Variants in PRDM6 observed in about 807,000 individuals in gnomAD.
PRDM6 encodes PR/SET domain 6, also known as putative histone-lysine N-methyltransferase PRDM6.
A neutral mutation model predicts 60.8 loss-of-function variants in PRDM6; 25 were observed. That is an observed-to-expected ratio of 0.41 (90% confidence interval 0.30 to 0.57). The LOEUF (loss-of-function observed/expected upper bound fraction) is 0.57, where lower values mean the gene tolerates loss of function less well. Ranked by LOEUF, PRDM6 falls within the 20% of genes least tolerant of loss-of-function variation. The probability of loss-of-function intolerance (pLI) is 0.27; values close to 1 mark genes in which losing one functional copy is unlikely to be tolerated. For missense variants in PRDM6, 839 were observed against 821.3 expected, an observed-to-expected ratio of 1.02 and a Z score of -0.26; for synonymous variants, 407 against 357.4, an observed-to-expected ratio of 1.14 and a Z score of -1.57.
intron 5 of PRDM6, among the ~76,000 whole-genome samples, 156 bp downstream of exon 5, chr5:123,159,794 G>A (rs1765586589): frequency 6.6e-6 from 1 of 152,130 alleles, no homozygotes; most frequent in Non-Finnish European, 1.5e-5. Flanking sequence ...TTCCCTGCAT[G>A]TCATCTGCTT....
In PRDM6 at chr5:123,090,206, T is replaced by G. The variant is rs747032271; in HGVS notation, c.192T>G (p.Pro64=). ...CCCCGCCCCCGGAGCGCGCTGAGCC[T>G]CCGCCGGACAGCCTGCGCCCGCGGC... The part of the protein sequence containing the change: ...PPPPPPERAE[P]PPDSLRPRPA... Residue 64 remains proline (P), a synonymous_variant, in exon 2 of 8, where the codon CCT becomes CCG. Transcript: ENST00000407847. 3 of 1,479,952 alleles carry G rather than the reference T, an allele frequency of 2.0e-6. No individual in the cohort carries two copies. The highest frequency in any genetic ancestry group is 3.0e-5 in the East Asian group (1 of 33,278). 91.7% of individuals were successfully genotyped at this position (1,479,952 alleles called of 1,614,324 possible).
intron 3 of PRDM6, among the ~76,000 whole-genome samples, chr5:123,134,488 GA>G (rs1458064670): frequency 2.0e-5 from 3 of 152,098 alleles, no homozygotes; most frequent in South Asian, 4.1e-4. Context: ...ATTGATATAA[GA>G]AGATAGATTT....
At chr5:123,101,763 A>C (rs977003648) in intron 3 of PRDM6, among the ~76,000 whole-genome samples, 2 of 152,218 alleles carry the variant, frequency 1.3e-5, no homozygotes, top group Non-Finnish European at 2.9e-5. Context: ...AATGATTGGG[A>C]TGTTGGCAGG....
At chr5:123,117,864 A>T (rs10519718) in intron 3 of PRDM6, among the ~76,000 whole-genome samples, 36,999 of 152,150 alleles carry the variant, frequency 0.24, 4,867 homozygotes, top group Middle Eastern at 0.31. Flanking sequence ...CGCAGTTCCG[A>T]TTTTGGAGGA....
chr5:123,104,413 A>G (rs970898938), intron 3 of PRDM6, among the ~76,000 whole-genome samples: 1 of 152,144 alleles, frequency 6.6e-6, no homozygotes, highest in African/African-American at 2.4e-5. Flanking sequence ...TTTCAATTAA[A>G]TTAGAATCAC....
intron 3 of PRDM6, among the ~76,000 whole-genome samples, chr5:123,109,184 T>A (rs1764255172): frequency 1.2e-5 from 1 of 86,898 alleles, no homozygotes; most frequent in South Asian, 3.7e-4. Context: ...TTTTTATACA[T>A]GAAAGTGTTA....
At chr5:123,110,915 C>T (rs982604422) in intron 3 of PRDM6, among the ~76,000 whole-genome samples, 9 of 152,012 alleles carry the variant, frequency 5.9e-5, no homozygotes, top group African/African-American at 2.2e-4. Context: ...AACTATGTCA[C>T]GACCAATCCA....
intron 3 of PRDM6, among the ~76,000 whole-genome samples, chr5:123,144,133 T>G (rs1392477948): frequency 6.6e-6 from 1 of 152,160 alleles, no homozygotes; most frequent in Non-Finnish European, 1.5e-5. Flanking sequence ...GAGGAGGAGC[T>G]GGGGTTGCCC....
chr5:123,187,053 C>A, intron 7 of PRDM6, 34 bp from the exon 8 acceptor site: 1 of 1,495,082 alleles, frequency 6.7e-7, no homozygotes, highest in Non-Finnish European at 9.1e-7. Flanking sequence ...AGGCCCCGCT[C>A]CCTGGTCTCA....
At chr5:123,136,867 A>G (rs1364068959) in intron 3 of PRDM6, among the ~76,000 whole-genome samples, 2 of 145,590 alleles carry the variant, frequency 1.4e-5, no homozygotes, top group African/African-American at 5.1e-5. Flanking sequence ...GGCAATGTGC[A>G]TGGGAACCTT....
At chr5:123,111,763 T>G (rs1764322203) in intron 3 of PRDM6, among the ~76,000 whole-genome samples, 1 of 152,008 alleles carries the variant, frequency 6.6e-6, no homozygotes, top group Admixed American at 6.6e-5. Context: ...CTTGTGGTTG[T>G]TTGCCCCGCT....
chr5:123,131,439 A>G (rs1233068459), intron 3 of PRDM6, among the ~76,000 whole-genome samples: 1 of 152,218 alleles, frequency 6.6e-6, no homozygotes, highest in Non-Finnish European at 1.5e-5. Context: ...TTTCACATAT[A>G]TTCTATAAAT....
chr5:123,095,581 C>T (rs2150205990), intron 2 of PRDM6, among the ~76,000 whole-genome samples: 1 of 152,376 alleles, frequency 6.6e-6, no homozygotes, highest in African/African-American at 2.4e-5. Context: ...GATCGATGGG[C>T]GCCGGCCCCT....
chr5:123,175,542 A>C lies in PRDM6; in HGVS notation c.1496+4434A>C, dbSNP rs981876308. 2.0e-4 allele frequency among the ~76,000 whole-genome samples: 30 copies of C among 152,206 alleles called. 1 individual carries two copies. The highest frequency in any genetic ancestry group is 8.8e-5 in the Non-Finnish European group (6 of 68,048). On this transcript the variant is annotated intron_variant, in intron 6 of 7. Transcript: ENST00000407847. The stretch of plus-strand genomic sequence containing the variant: ...CTTCTTTCTAGCTTTGATGTTCTTC[A>C]GGCTGTTTAGTCTTGCACTTCTGTC...
At chr5:123,158,850 A>C (rs1439186166) in intron 4 of PRDM6, among the ~76,000 whole-genome samples, 1 of 151,984 alleles carries the variant, frequency 6.6e-6, no homozygotes, top group Non-Finnish European at 1.5e-5. Flanking sequence ...TTTTTTTTAC[A>C]GTACCAAAGC....
chr5:123,191,332 G>A lies in PRDM6; in HGVS notation c.*4131G>A, dbSNP rs1005284411. On this transcript the variant is annotated 3_prime_UTR_variant, in exon 8 of 8. Transcript: ENST00000407847. Reference sequence around the variant, plus strand: ...AATCATGGCACGTCTCACAAAGAGGGCATTTCCAGAACAGCAGGGTTAACG... The same window carrying A: ...AATCATGGCACGTCTCACAAAGAGGACATTTCCAGAACAGCAGGGTTAACG... 9.9e-5 allele frequency: 15 copies of A among 152,158 alleles called. No individual in the cohort carries two copies. Among genetic ancestry groups the A allele is most frequent in the Admixed American group, 2.0e-4 (3 of 15,276 alleles). 9.4% of individuals were successfully genotyped at this position (152,158 alleles called of 1,614,324 possible).
intron 3 of PRDM6, among the ~76,000 whole-genome samples, chr5:123,143,074 A>T (rs444432): frequency 0.064 from 9,685 of 151,800 alleles, 328 homozygotes; most frequent in Non-Finnish European, 0.072. Context: ...TCAGTCACGG[A>T]TGTTCTCATT....
At chr5:123,145,939 G>A (rs555573679) in intron 3 of PRDM6, among the ~76,000 whole-genome samples, 1 of 152,178 alleles carries the variant, frequency 6.6e-6, no homozygotes, top group South Asian at 2.1e-4. Context: ...TACTTCATTG[G>A]GACAAACATT....
intron 5 of PRDM6, 77 bp downstream of exon 5, chr5:123,159,715 A>C: frequency 7.3e-7 from 1 of 1,373,850 alleles, no homozygotes; most frequent in South Asian, 1.3e-5. Context: ...GCTTTTTTTG[A>C]AACTCATGAA....
Sources: allele counts gnomAD v4.1 joint callset (sites outside exome capture counted in the v4.1 genomes callset), GRCh38; gene constraint gnomAD v4.1.1; transcripts MANE v1.5; gene names NCBI Gene and HGNC (gene_info 2026-07-23, HGNC 2026-07-21).